The following TMEM52B variants were observed in gnomAD, a reference collection of about 807,000 sequenced individuals.
The protein encoded by TMEM52B is chromosome 12 open reading frame 59.
Under a neutral mutation model 16.1 loss-of-function variants are expected in TMEM52B, and 11 were observed. The observed-to-expected ratio is 0.68, with a 90% CI of 0.43 to 1.13. The LOEUF (loss-of-function observed/expected upper bound fraction) is 1.13. Ranked by LOEUF, TMEM52B falls within the 50% of genes most tolerant of loss-of-function variation. The pLI is 0.00. For synonymous variants in TMEM52B, 101 were observed against 93.8 expected (o/e 1.08, Z -0.45); for missense variants, 243 against 230.4 (o/e 1.05, Z -0.35).
intron 1 of TMEM52B, chr12:10,172,198 A>G: frequency 3.0e-6 from 2 of 673,320 alleles, no homozygotes; most frequent in South Asian, 3.7e-5. Flanking sequence ...GAATGACTCA[A>G]TCATTGGTAG....
At chr12:10,176,735 A>T (rs1200601112), upstream of TMEM52B, among the ~76,000 whole-genome samples, 1 of 152,246 alleles carries the variant, frequency 6.6e-6, no homozygotes, top group African/African-American at 2.4e-5. Context: ...TTTTACACAC[A>T]TTAACTTATT....
intron 1 of TMEM52B, 132 bp downstream of exon 1, chr12:10,179,760 T>C (rs1948801283): frequency 1.0e-6 from 1 of 1,000,682 alleles, no homozygotes; most frequent in African/African-American, 1.6e-5. Context: ...GGGAAATGAA[T>C]AAACTACAAA....
chr12:10,171,683 T>G (rs527489161), intron 1 of TMEM52B, among the ~76,000 whole-genome samples: 1 of 152,204 alleles, frequency 6.6e-6, no homozygotes, highest in Non-Finnish European at 1.5e-5. Context: ...GTCCTCCTGA[T>G]GCCCAGTTAG....
intron 1 of TMEM52B, 131 bp from the exon 2 acceptor site, chr12:10,182,419 A>G (rs1948834962): frequency 7.3e-7 from 1 of 1,369,822 alleles, no homozygotes; most frequent in South Asian, 1.6e-5. Flanking sequence ...AGTCCTAAAT[A>G]GACTGCCCCT....
In TMEM52B at chr12:10,171,931, C is replaced by T. The variant is rs1948723867; in HGVS notation, c.-95+1080C>T. 3.5e-6 allele frequency: 4 copies of T among 1,152,298 alleles called. No homozygotes were observed. In the South Asian group the frequency reaches 3.8e-5, roughly 11 times the overall value. 71.4% of individuals were successfully genotyped at this position (1,152,298 alleles called of 1,614,324 possible). A position where few individuals can be genotyped will look rare whatever the true frequency, so the allele number is the denominator to read the frequency against. On this transcript the variant is annotated intron_variant, in intron 1 of 5. Transcript: ENST00000381923. The stretch of plus-strand genomic sequence containing the variant: ...GGGTGTTTAGCTTTCTAATCCCATT[C>T]TTCGGTGAATTTACATTTTGGGGCT...
chr12:10,174,066 T>TTGTC (rs1948748166), upstream of TMEM52B, among the ~76,000 whole-genome samples: 1 of 151,352 alleles, frequency 6.6e-6, no homozygotes, highest in Non-Finnish European at 1.5e-5. Flanking sequence ...GTTTGTTTGT[T>TTGTC]TGTTTGTTTT....
chr12:10,172,205 G>A, intron 1 of TMEM52B: 1 of 651,886 alleles, frequency 1.5e-6, no homozygotes, highest in East Asian at 2.7e-5. Flanking sequence ...TCAATCATTG[G>A]TAGGAGGAAG....
intron 4 of TMEM52B, among the ~76,000 whole-genome samples, chr12:10,189,641 A>AAG (rs756687270): frequency 9.5e-5 from 14 of 147,220 alleles, no homozygotes; most frequent in East Asian, 2.0e-4. Flanking sequence ...AAAAAAAAAA[A>AAG]AGAGAGAGAG....
At chr12:10,176,730 C>T (rs1432612797), upstream of TMEM52B, among the ~76,000 whole-genome samples, 1 of 152,140 alleles carries the variant, frequency 6.6e-6, no homozygotes, top group Non-Finnish European at 1.5e-5. Flanking sequence ...ATTCATTTTA[C>T]ACACATTAAC....
chr12:10,171,743 C>T (rs534809359), intron 1 of TMEM52B, among the ~76,000 whole-genome samples: 54 of 152,110 alleles, frequency 3.6e-4, no homozygotes, highest in African/African-American at 4.6e-4. Context: ...AATGTTATTG[C>T]GAAGATTCTG....
Position 10,190,579 on chromosome 12 carries a change from T to G in TMEM52B, c.*439T>G. On this transcript the variant is annotated 3_prime_UTR_variant, in exon 5 of 5. Transcript: ENST00000543484. ...ATGCACTGAATGCATGCATCTTTCC[T>G]CCTGAGACAGCAATCGATTTTACAC... The G allele has an allele frequency of 5.3e-6, 1 of 190,124 alleles. No individual in the cohort carries two copies. The highest frequency in any genetic ancestry group is 2.3e-5 in the African/African-American group (1 of 43,254). The allele number at this position is 190,124 out of a possible 1,614,324, so 11.8% of individuals were successfully genotyped here.
chr12:10,172,529 C>T (rs2742112), intron 1 of TMEM52B: 57,585 of 155,756 alleles, frequency 0.37, 10,994 homozygotes, highest in East Asian at 0.56. Flanking sequence ...GTGTCTTTTA[C>T]GAATCAGATA....
upstream of TMEM52B, among the ~76,000 whole-genome samples, chr12:10,177,402 C>G (rs143250561): frequency 5.9e-5 from 9 of 152,276 alleles, no homozygotes; most frequent in African/African-American, 2.2e-4. Context: ...ATCCCATCAT[C>G]AAGCTATGTG....
At chr12:10,185,404 A>T in intron 3 of TMEM52B, 36 bp downstream of exon 3, 1 of 1,527,978 alleles carries the variant, frequency 6.5e-7, no homozygotes, top group Non-Finnish European at 9.1e-7. Context: ...AAGACACTGT[A>T]TTCCTCAAGG....
At position 10,182,535 on chromosome 12, in the gene TMEM52B, T is replaced by C; in HGVS notation, c.55-15T>C. The C allele has an allele frequency of 1.3e-6, 2 of 1,534,366 alleles. No individual in the cohort carries two copies. The highest frequency in any genetic ancestry group is 1.7e-6 in the Non-Finnish European group (2 of 1,145,806). On this transcript the variant is annotated splice_polypyrimidine_tract_variant and intron_variant, in intron 1 of 4. Coordinates refer to ENST00000543484, the MANE Select transcript of TMEM52B (RefSeq NM_001384896.1). The stretch of plus-strand genomic sequence containing the variant: ...AAAACAATTTCCCTGTATAAGACAA[T>C]TTCTCTTTCTACAGCTTTCTGGGAC...
At chr12:10,188,551 GAAAAAGAAA>G (rs1419194928) in intron 4 of TMEM52B, among the ~76,000 whole-genome samples, 833 of 35,150 alleles carry the variant, frequency 0.024, 4 homozygotes, top group Non-Finnish European at 0.041. Flanking sequence ...AGAAGAAAAA[GAAAAAGAAA>G]AAGAAAAAGA....
intron 1 of TMEM52B, among the ~76,000 whole-genome samples, chr12:10,181,414 C>T (rs1168120351): frequency 6.6e-6 from 1 of 151,930 alleles, no homozygotes; most frequent in Admixed American, 6.6e-5. Context: ...ACTGCAACCT[C>T]CACTGCCCGG....
At chr12:10,180,204 A>G (rs1163778257) in intron 1 of TMEM52B, among the ~76,000 whole-genome samples, 2 of 152,020 alleles carry the variant, frequency 1.3e-5, no homozygotes, top group Admixed American at 6.5e-5. Flanking sequence ...AGCAAGAAGG[A>G]GAGCAAATGA....
At chr12:10,182,639 C>T in intron 2 of TMEM52B, 46 bp downstream of exon 2, 1 of 1,516,988 alleles carries the variant, frequency 6.6e-7, no homozygotes, top group Non-Finnish European at 8.8e-7. Context: ...CAGACCAAAA[C>T]ATCACTACCC....
Sources: allele counts gnomAD v4.1 joint callset (sites outside exome capture counted in the v4.1 genomes callset), GRCh38; gene constraint gnomAD v4.1.1; transcripts MANE v1.5; gene names NCBI Gene and HGNC (gene_info 2026-07-23, HGNC 2026-07-21).